COL5A1: variants seen among roughly 807,000 people sequenced by gnomAD.
The protein encoded by COL5A1 is collagen type V alpha 1 chain, also known as collagen alpha-1(V) chain.
A neutral mutation model predicts 263.7 loss-of-function variants in COL5A1; 16 were observed. The observed-to-expected ratio is 0.06, with a 90% CI of 0.04 to 0.09. COL5A1 has a LOEUF of 0.09. Ranked by LOEUF, COL5A1 falls within the 10% of genes least tolerant of loss-of-function variation. COL5A1 has a pLI of 1.00. For synonymous variants in COL5A1, 1,012 were observed against 1,004.5 expected (o/e 1.01, Z -0.14); for missense variants, 2,036 against 2,540.5 (o/e 0.80, Z 4.27).
intron 25 of COL5A1, among the ~76,000 whole-genome samples, chr9:134,769,219 T>G (rs1836788205): frequency 4.6e-5 from 7 of 152,258 alleles, no homozygotes; most frequent in Admixed American, 4.6e-4. Context: ...GGAAGTTAAA[T>G]ATGTTGATGA....
Position 134,765,676 on chromosome 9 carries a change from T to C in COL5A1, c.2035-5T>C, listed in dbSNP as rs1373594656. 2.5e-6 allele frequency: 4 copies of C among 1,613,412 alleles called. No individual in the cohort carries two copies. In the Admixed American group the frequency reaches 6.7e-5, roughly 27 times the overall value. ...TTAAATCCTATTTTCCCTTTCCTCT[T>C]ACAGGGGCCACGTGGTCTGCTTGGG... On this transcript the variant is annotated splice_polypyrimidine_tract_variant and splice_region_variant and intron_variant, in intron 20 of 65. Coordinates refer to ENST00000371817, the MANE Select transcript of COL5A1 (RefSeq NM_000093.5). The surrounding 1 kb of genome is among the most constrained non-coding windows in gnomAD (Gnocchi z 5.1).
At chr9:134,740,207 C>T (rs926547732) in intron 11 of COL5A1, among the ~76,000 whole-genome samples, 1 of 151,804 alleles carries the variant, frequency 6.6e-6, no homozygotes, top group African/African-American at 2.4e-5. Context: ...AGCGAGTGGC[C>T]GCTGCTCTTG....
intron 1 of COL5A1, among the ~76,000 whole-genome samples, chr9:134,685,701 C>T (rs1456295673): frequency 1.4e-5 from 2 of 147,234 alleles, no homozygotes; most frequent in African/African-American, 5.0e-5. Flanking sequence ...ATCATCCATC[C>T]ATTGTCCATC....
intron 1 of COL5A1, among the ~76,000 whole-genome samples, chr9:134,643,155 T>A (rs1015694767): frequency 6.6e-6 from 1 of 152,106 alleles, no homozygotes; most frequent in Non-Finnish European, 1.5e-5. Context: ...TTCTCGAGGG[T>A]TCAACTCTCC....
intron 1 of COL5A1, among the ~76,000 whole-genome samples, chr9:134,663,283 T>G (rs1418502496): frequency 2.0e-5 from 3 of 152,224 alleles, no homozygotes; most frequent in Non-Finnish European, 4.4e-5. Context: ...CAGTGTGTGG[T>G]GGCCGGGGGC....
At chr9:134,766,947 G>A in intron 22 of COL5A1, 53 bp from the exon 23 acceptor site, 2 of 1,541,440 alleles carry the variant, frequency 1.3e-6, no homozygotes, top group Non-Finnish European at 8.9e-7. Flanking sequence ...CACCCAGGAA[G>A]GGGATACAGT....
At chr9:134,797,035 C>T (rs921200972) in intron 36 of COL5A1, 134 bp downstream of exon 36, 7 of 991,676 alleles carry the variant, frequency 7.1e-6, no homozygotes, top group African/African-American at 1.6e-5. Flanking sequence ...GAGGGAGGCC[C>T]GAGGTGAAAT....
At chr9:134,763,660 T>C (rs771919276) in intron 19 of COL5A1, 33 bp from the exon 20 acceptor site, 8 of 1,611,696 alleles carry the variant, frequency 5.0e-6, no homozygotes, top group Non-Finnish European at 5.9e-6. Flanking sequence ...TAACAGCTCA[T>C]TTCTCTAACC....
chr9:134,760,511 TAC>T (rs140615036), intron 18 of COL5A1, among the ~76,000 whole-genome samples: 1,191 of 52,156 alleles, frequency 0.023, 56 homozygotes, highest in East Asian at 0.1. Flanking sequence ...CACACACGCA[TAC>T]ACACCCACAC....
intron 64 of COL5A1, among the ~76,000 whole-genome samples, chr9:134,833,060 G>A (rs1182118151): frequency 2.0e-5 from 3 of 152,256 alleles, no homozygotes; most frequent in Admixed American, 6.5e-5. Flanking sequence ...AGTGGGCAGA[G>A]CAGGTCTCAG....
Position 134,652,993 on chromosome 9 carries a change from C to T in COL5A1, c.109+10697C>T, listed in dbSNP as rs370683766. 5.8e-3 allele frequency: 1,592 copies of T among 276,326 alleles called. 58 individuals carry two copies. Among genetic ancestry groups the T allele is most frequent in the South Asian group, 0.05 (1,522 of 30,414 alleles). The allele number at this position is 276,326 out of a possible 1,614,324, so 17.1% of individuals were successfully genotyped here. ...ACGAGTCGTTCTGCGTCCTCGAGCCCAGGGTCTTGGATTTCAGCATTAATG... is the reference window on the plus strand; with the variant it reads ...ACGAGTCGTTCTGCGTCCTCGAGCCTAGGGTCTTGGATTTCAGCATTAATG... On this transcript the variant is annotated intron_variant, in intron 1 of 65. Transcript: ENST00000371817. The surrounding 1 kb of genome is among the most constrained non-coding windows in gnomAD (Gnocchi z 4.4).
At position 134,688,979 on chromosome 9, in the gene COL5A1, CG is replaced by C. The variant is rs201649654; in HGVS notation, c.110-1928del. Among the ~76,000 whole-genome samples the C allele has an allele frequency of 7.6e-3, 1,137 of 148,966 alleles. 2 individuals are homozygous for C. Among genetic ancestry groups the C allele is most frequent in the Non-Finnish European group, 0.012 (801 of 66,644 alleles). ...TCCCTGCACTGTCAGCTGGTCATGG[CG>C]GGGGTGGGGGTGGCACAGGTTCCTG... On this transcript the variant is annotated intron_variant, in intron 1 of 65. Transcript: ENST00000371817.
At chr9:134,734,662 C>G (rs1835032131) in intron 9 of COL5A1, among the ~76,000 whole-genome samples, 1 of 152,228 alleles carries the variant, frequency 6.6e-6, no homozygotes, top group Non-Finnish European at 1.5e-5. Flanking sequence ...ACCAGAGGCT[C>G]CCTAAAAGGA....
Position 134,790,409 on chromosome 9 carries a change from C to CCCAGCCAT in COL5A1, c.2700+1209_2700+1216dup, listed in dbSNP as rs1324140534. Among the ~76,000 whole-genome samples the CCCAGCCAT allele has an allele frequency of 5.2e-4, 57 of 109,832 alleles. 1 individual carries two copies. The East Asian group carries it at 0.016, about 31-fold the overall frequency. 72.1% of individuals were successfully genotyped at this position (109,832 alleles called of 152,430 possible). A position where few individuals can be genotyped will look rare whatever the true frequency, so the allele number is the denominator to read the frequency against. ...ACCCACCCACCCACCCACCCAGCCA[C>CCCAGCCAT]CCAGCCATCCAGCCACCCACCCATC... On this transcript the variant is annotated intron_variant, in intron 32 of 65. Transcript: ENST00000371817.
intron 29 of COL5A1, among the ~76,000 whole-genome samples, chr9:134,783,936 C>T (rs777814491): frequency 3.3e-5 from 5 of 152,220 alleles, no homozygotes; most frequent in Admixed American, 6.5e-5. Context: ...ACACATGTGG[C>T]GTCCACGTGA....
intron 40 of COL5A1, 27 bp from the exon 41 acceptor site, chr9:134,805,134 T>G: frequency 5.6e-6 from 9 of 1,613,898 alleles, no homozygotes; most frequent in Non-Finnish European, 7.6e-6. Context: ...CCACGTGCCC[T>G]TGACCAACCT....
At chr9:134,687,307 G>A (rs1483563439) in intron 1 of COL5A1, among the ~76,000 whole-genome samples, 1 of 152,210 alleles carries the variant, frequency 6.6e-6, no homozygotes, top group Non-Finnish European at 1.5e-5. Context: ...CACCTGGGAA[G>A]TGTAGTTTTT....
chr9:134,795,403 C>T lies in COL5A1; in HGVS notation c.2799+88C>T, dbSNP rs530792652. The T allele has an allele frequency of 8.1e-5, 88 of 1,080,026 alleles. 2 individuals carry two copies. In the African/African-American group the frequency reaches 1.3e-3, roughly 16 times the overall value. 66.9% of individuals were successfully genotyped at this position (1,080,026 alleles called of 1,614,324 possible). The stretch of plus-strand genomic sequence containing the variant: ...TGGAGCGTCTGAGGGTGTCTGTGAC[C>T]TTTTTTATTAAAAAAAAAAAAAAAG... On this transcript the variant is annotated intron_variant, in intron 34 of 65. Coordinates refer to ENST00000371817, the MANE Select transcript of COL5A1 (RefSeq NM_000093.5).
intron 64 of COL5A1, among the ~76,000 whole-genome samples, chr9:134,831,185 T>C (rs761982089): frequency 2.0e-4 from 30 of 152,208 alleles, no homozygotes; most frequent in Non-Finnish European, 3.8e-4. Flanking sequence ...GCACTGGCCC[T>C]GAGCCGCCTT....
Sources: gnomAD v4.1 joint callset for allele counts (sites outside exome capture counted in the v4.1 genomes callset) on GRCh38, gnomAD v4.1.1 for gene constraint, Gnocchi (gnomAD v3.1) non-coding constraint, MANE v1.5 for transcripts, NCBI Gene and HGNC (gene_info 2026-07-23, HGNC 2026-07-21) for gene names.